Variants in KHDRBS2 observed in about 807,000 individuals in gnomAD.
KHDRBS2 encodes the protein KH domain-containing, RNA-binding, signal transduction-associated protein 2.
In KHDRBS2, 26 loss-of-function variants were observed where a neutral mutation model predicts 44.3. The observed-to-expected ratio is 0.59, with a 90% confidence interval of 0.43 to 0.81. The LOEUF is 0.81. Ranked by LOEUF, KHDRBS2 falls within the 40% of genes least tolerant of loss-of-function variation. The pLI, the probability that KHDRBS2 is intolerant of heterozygous loss-of-function variation, is 0.00. For missense variants in KHDRBS2, 476 were observed against 433.1 expected (o/e 1.10, Z -0.88); for synonymous variants, 194 against 151.1 (o/e 1.28, Z -2.08).
intron 3 of KHDRBS2, among the ~76,000 whole-genome samples, chr6:62,040,403 AG>A (rs1444841687): frequency 2.6e-5 from 4 of 152,064 alleles, no homozygotes; most frequent in Non-Finnish European, 5.9e-5. Flanking sequence ...TGATACATTT[AG>A]TGGTCTAAAA....
chr6:61,596,622 A>G, the KHDRBS2 span, among the ~76,000 whole-genome samples: 3 of 152,004 alleles, frequency 2.0e-5, no homozygotes, highest in Admixed American at 6.6e-5. Context: ...AGGCAACCCT[A>G]CATTTGTACT....
intron 1 of KHDRBS2, 99 bp downstream of exon 1, chr6:62,285,759 G>T (rs1184417695): frequency 2.7e-6 from 2 of 739,884 alleles, no homozygotes; most frequent in Non-Finnish European, 2.3e-6. Flanking sequence ...TTCTGCGAAG[G>T]CGGGGAGAGG....
At chr6:61,748,353 G>A (rs1023058923) in intron 6 of KHDRBS2, among the ~76,000 whole-genome samples, 5 of 152,086 alleles carry the variant, frequency 3.3e-5, no homozygotes, top group African/African-American at 1.2e-4. Flanking sequence ...ACTTATTCAT[G>A]TATTTATTTA....
At chr6:61,951,937 G>C (rs1478407625) in intron 4 of KHDRBS2, among the ~76,000 whole-genome samples, 1 of 151,822 alleles carries the variant, frequency 6.6e-6, no homozygotes, top group Non-Finnish European at 1.5e-5. Context: ...AACATTATCT[G>C]TACAATCAAA....
the KHDRBS2 span, among the ~76,000 whole-genome samples, chr6:61,594,648 A>G: frequency 1.4e-4 from 21 of 152,260 alleles, no homozygotes; most frequent in South Asian, 4.1e-3. Context: ...TTTGGAACAC[A>G]TTTATGCAAA....
At chr6:61,683,220 C>G (rs1239886498) in intron 8 of KHDRBS2, among the ~76,000 whole-genome samples, 1 of 151,838 alleles carries the variant, frequency 6.6e-6, no homozygotes, top group Non-Finnish European at 1.5e-5. Context: ...GTCACATACA[C>G]TCCCAGATTT....
intron 6 of KHDRBS2, among the ~76,000 whole-genome samples, chr6:61,736,086 A>AT (rs1188217102): frequency 3.7e-5 from 5 of 135,306 alleles, no homozygotes; most frequent in Admixed American, 2.2e-4. Context: ...ATGTCTCTCC[A>AT]TTTTTTTTCT....
intron 1 of KHDRBS2, among the ~76,000 whole-genome samples, chr6:62,282,289 G>A (rs2150197455): frequency 6.6e-6 from 1 of 152,210 alleles, no homozygotes; most frequent in East Asian, 1.9e-4. Flanking sequence ...AAGTCTAGAT[G>A]GCAGGTCAAA....
At chr6:61,850,380 T>G (rs946385004) in intron 6 of KHDRBS2, among the ~76,000 whole-genome samples, 1 of 151,904 alleles carries the variant, frequency 6.6e-6, no homozygotes, top group Non-Finnish European at 1.5e-5. Context: ...GAAAAAAAAA[T>G]AGTCATTTTT....
At chr6:62,110,173 T>C (rs1236451451) in intron 2 of KHDRBS2, among the ~76,000 whole-genome samples, 1 of 152,038 alleles carries the variant, frequency 6.6e-6, no homozygotes, top group Non-Finnish European at 1.5e-5. Context: ...TTAAAAAGAA[T>C]GACTATATCA....
intron 6 of KHDRBS2, among the ~76,000 whole-genome samples, chr6:61,735,781 T>C (rs562167894): frequency 6.6e-6 from 1 of 151,812 alleles, no homozygotes; most frequent in Non-Finnish European, 1.5e-5. Context: ...CATACTTAAT[T>C]GGTTGGGTAG....
At chr6:62,155,014 T>C (rs1028297012) in intron 2 of KHDRBS2, among the ~76,000 whole-genome samples, 1 of 151,990 alleles carries the variant, frequency 6.6e-6, no homozygotes, top group African/African-American at 2.4e-5. Flanking sequence ...TTGTGAAAAA[T>C]AAATCAGAAA....
intron 4 of KHDRBS2, among the ~76,000 whole-genome samples, chr6:61,928,867 G>C (rs1272370888): frequency 6.6e-6 from 1 of 151,930 alleles, no homozygotes; most frequent in Admixed American, 6.6e-5. Context: ...TATAAAACTA[G>C]GATTGTTTGT....
the KHDRBS2 span, among the ~76,000 whole-genome samples, chr6:61,561,240 G>C: frequency 4.6e-5 from 7 of 152,048 alleles, no homozygotes; most frequent in Non-Finnish European, 8.8e-5. Context: ...TCTCTCTCCT[G>C]AGCTGCCTGA....
chr6:61,598,837 C>CTTTTTTTTTT, the KHDRBS2 span, among the ~76,000 whole-genome samples: 6 of 65,512 alleles, frequency 9.2e-5, no homozygotes, highest in Non-Finnish European at 1.3e-4. Context: ...TTTTTCTTTT[C>CTTTTTTTTTT]TTTTTTTTTT....
intron 2 of KHDRBS2, among the ~76,000 whole-genome samples, chr6:62,071,078 T>G (rs1447281467): frequency 6.6e-6 from 1 of 152,230 alleles, no homozygotes; most frequent in Non-Finnish European, 1.5e-5. Flanking sequence ...TTTGCATTTC[T>G]CTGATGGCAA....
At chr6:61,568,520 C>T in the KHDRBS2 span, among the ~76,000 whole-genome samples, 221 of 152,144 alleles carry the variant, frequency 1.5e-3, 4 homozygotes, top group African/African-American at 5.1e-3. Flanking sequence ...ACCAAGAAAA[C>T]AGAAAAAAAT....
chr6:62,044,904 T>TAC (rs1787346686), intron 3 of KHDRBS2, among the ~76,000 whole-genome samples: 2 of 152,110 alleles, frequency 1.3e-5, no homozygotes, highest in Non-Finnish European at 2.9e-5. Flanking sequence ...TACCCATACA[T>TAC]ACTTATGTGT....
At chr6:61,877,918 G>A (rs971638282) in intron 6 of KHDRBS2, among the ~76,000 whole-genome samples, 1 of 151,700 alleles carries the variant, frequency 6.6e-6, no homozygotes, top group Non-Finnish European at 1.5e-5. Flanking sequence ...AATAGTTGAA[G>A]ATTTTATCAT....
Sources: gnomAD v4.1 joint callset for allele counts (sites outside exome capture counted in the v4.1 genomes callset) on GRCh38, gnomAD v4.1.1 for gene constraint, MANE v1.5 for transcripts, NCBI Gene and HGNC (gene_info 2026-07-23, HGNC 2026-07-21) for gene names.